The following IRF2 variants were observed in gnomAD, a reference collection of about 807,000 sequenced individuals.
IRF2 encodes the protein interferon regulatory factor 2.
Under a neutral mutation model 40.6 loss-of-function variants are expected in IRF2, and 15 were observed. The ratio of observed to expected loss-of-function variants is 0.37; its 90% CI spans 0.25 to 0.57. The LOEUF (loss-of-function observed/expected upper bound fraction) is 0.57, where lower values mean the gene tolerates loss of function less well. Among genes scored for constraint, IRF2 ranks in the 20% least tolerant of loss-of-function variants. The probability of loss-of-function intolerance (pLI) is 0.77; values close to 1 mark genes in which losing one functional copy is unlikely to be tolerated. For missense variants in IRF2, 317 were observed against 455.7 expected (o/e 0.70, Z 2.77); for synonymous variants, 151 against 165.5 (o/e 0.91, Z 0.67).
In IRF2 at chr4:184,388,481, A is replaced by C. The variant is rs562593345; in HGVS notation, c.*277T>G. On this transcript the variant is annotated 3_prime_UTR_variant, in exon 9 of 9. Coordinates refer to ENST00000393593, the MANE Select transcript of IRF2 (RefSeq NM_002199.4). The surrounding 1 kb of genome is among the most constrained non-coding windows in gnomAD (Gnocchi z 4.6). ...ACCTTGCTGGCCTTGACCGCAGGCA[A>C]TGCAGCACCTCCACTGCCCTTGTTG... 2 of 434,834 alleles carry C rather than the reference A, an allele frequency of 4.6e-6. No individual in the cohort carries two copies. The highest frequency in any genetic ancestry group is 3.0e-5 in the South Asian group (1 of 33,184). 26.9% of individuals were successfully genotyped at this position (434,834 alleles called of 1,614,324 possible).
intron 6 of IRF2, among the ~76,000 whole-genome samples, chr4:184,400,019 C>T (rs192883589): frequency 6.6e-6 from 1 of 152,292 alleles, no homozygotes; most frequent in Non-Finnish European, 1.5e-5. Flanking sequence ...TAACAATCCA[C>T]CCATCTTGTT....
chr4:184,407,914 A>G (rs1736919283), intron 6 of IRF2, among the ~76,000 whole-genome samples: 1 of 152,212 alleles, frequency 6.6e-6, no homozygotes, highest in Non-Finnish European at 1.5e-5. Flanking sequence ...CCGGGAAACA[A>G]ACATTTTTCC....
chr4:184,462,251 G>A (rs938104941), intron 1 of IRF2, among the ~76,000 whole-genome samples: 1 of 152,198 alleles, frequency 6.6e-6, no homozygotes, highest in South Asian at 2.1e-4. Flanking sequence ...TGAGCAGCTG[G>A]GAATTTCGCT....
In IRF2 at chr4:184,422,659, G is replaced by A. The variant is rs76683372; in HGVS notation, c.88-3091C>T. On this transcript the variant is annotated intron_variant, in intron 2 of 8. Coordinates refer to ENST00000393593, the MANE Select transcript of IRF2 (RefSeq NM_002199.4). Reference sequence around the variant, plus strand: ...GGACGAACCTTGAAAACATTATGCTGGATGAAAGAAGCCAGACACAAAAGG... The same window carrying A: ...GGACGAACCTTGAAAACATTATGCTAGATGAAAGAAGCCAGACACAAAAGG... 4.6e-3 allele frequency among the ~76,000 whole-genome samples: 698 copies of A among 152,276 alleles called. 7 individuals are homozygous for A. The highest frequency in any genetic ancestry group is 0.016 in the African/African-American group (665 of 41,540).
At chr4:184,439,348 G>C (rs1738208649) in intron 1 of IRF2, among the ~76,000 whole-genome samples, 1 of 141,080 alleles carries the variant, frequency 7.1e-6, no homozygotes, top group Non-Finnish European at 1.5e-5. Context: ...CGGAGCGGGG[G>C]TACTTAAAAA....
chr4:184,412,139 A>G (rs554013203), intron 5 of IRF2, among the ~76,000 whole-genome samples: 17 of 152,110 alleles, frequency 1.1e-4, no homozygotes, highest in Non-Finnish European at 1.6e-4. Context: ...ACGTGGGTGC[A>G]TGAACTCCGC....
intron 1 of IRF2, among the ~76,000 whole-genome samples, chr4:184,434,647 A>G (rs929181087): frequency 1.3e-5 from 2 of 152,192 alleles, no homozygotes; most frequent in Non-Finnish European, 2.9e-5. Flanking sequence ...CCATAAGTCA[A>G]TTCAGCCCAT....
At chr4:184,455,334 G>T (rs1373370857) in intron 1 of IRF2, among the ~76,000 whole-genome samples, 28 of 87,652 alleles carry the variant, frequency 3.2e-4, no homozygotes, top group African/African-American at 1.2e-3. Context: ...TGTAGAGAAA[G>T]GCGTCTCCCC....
intron 1 of IRF2, among the ~76,000 whole-genome samples, chr4:184,453,737 T>G (rs1467312402): frequency 6.6e-6 from 1 of 152,130 alleles, no homozygotes; most frequent in East Asian, 1.9e-4. Context: ...CCATGCTGGC[T>G]TGAGGAGGAG....
rs61516418 is a variant in IRF2, at chr4:184,424,065, C to G, written c.88-4497G>C. ...TTAATATACCAGATACACACAGATA[C>G]ACACACACACACACACACAAAGATA... On this transcript the variant is annotated intron_variant, in intron 2 of 8. Transcript: ENST00000393593. 1.0e-4 allele frequency among the ~76,000 whole-genome samples: 3 copies of G among 29,944 alleles called. No homozygotes were observed. The East Asian group carries it at 1.8e-3, about 18-fold the overall frequency. The allele number at this position is 29,944 out of a possible 152,430, so 19.6% of individuals were successfully genotyped here.
rs1736928819 is a variant in IRF2, at chr4:184,408,130, T to TA, written c.529+27dup. On this transcript the variant is annotated intron_variant, in intron 6 of 8. Transcript: ENST00000393593. This position sits in a 1 kb window ranked among gnomAD's most constrained non-coding sequence, Gnocchi z 4.9. The stretch of plus-strand genomic sequence containing the variant: ...GGCCCCAGGGGGCTGCTGGTATGTA[T>TA]AAAAAATGAGACGTCAAAACAGTTT... The TA allele has an allele frequency of 3.5e-6, 5 of 1,408,542 alleles. No individual in the cohort carries two copies. The highest frequency in any genetic ancestry group is 2.3e-5 in the South Asian group (2 of 85,526). The allele number at this position is 1,408,542 out of a possible 1,614,324, so 87.3% of individuals were successfully genotyped here.
At chr4:184,425,311 A>G (rs972146870) in intron 2 of IRF2, among the ~76,000 whole-genome samples, 1 of 152,242 alleles carries the variant, frequency 6.6e-6, no homozygotes, top group Admixed American at 6.5e-5. Context: ...GAATGCCAAC[A>G]AGCCTAAGTT....
At chr4:184,390,778 A>C in intron 7 of IRF2, 29 bp from the exon 8 acceptor site, 1 of 1,613,302 alleles carries the variant, frequency 6.2e-7, no homozygotes, top group Non-Finnish European at 8.5e-7. Context: ...ACACAGGGCC[A>C]TCATTCCTGT....
chr4:184,436,126 A>G (rs793809), intron 1 of IRF2, among the ~76,000 whole-genome samples: 151,725 of 152,114 alleles, frequency 1, 75,670 homozygotes, highest in Middle Eastern at 1. Context: ...ACAGGTGCCC[A>G]CCACCATGCC....
rs1293505008 is a variant in IRF2 at position 184,408,584 on chromosome 4, C to G, written c.412-309G>C. Among the ~76,000 whole-genome samples, 1 of 152,198 alleles carries G rather than the reference C, an allele frequency of 6.6e-6. No individual in the cohort carries two copies. Among genetic ancestry groups the G allele is most frequent in the Non-Finnish European group, 1.5e-5 (1 of 68,040 alleles). On this transcript the variant is annotated intron_variant, in intron 5 of 8. Transcript: ENST00000393593. The surrounding 1 kb of genome is among the most constrained non-coding windows in gnomAD (Gnocchi z 4.9). The stretch of plus-strand genomic sequence containing the variant: ...GGGCTACGCAGAGCTGCATCATTGT[C>G]TCTGTAAAATGCTGCACTGCGTGGA...
chr4:184,395,368 G>T (rs191838733), intron 7 of IRF2, among the ~76,000 whole-genome samples: 2,870 of 120,134 alleles, frequency 0.024, 37 homozygotes, highest in Non-Finnish European at 0.032. Context: ...AGCCGAGATC[G>T]CACCACTGCA....
chr4:184,468,761 G>C (rs543464806), intron 1 of IRF2, among the ~76,000 whole-genome samples: 2 of 152,320 alleles, frequency 1.3e-5, no homozygotes, highest in East Asian at 3.9e-4. Context: ...TGGTGAATAA[G>C]AGGCTCGCTA....
chr4:184,419,685 G>T, intron 2 of IRF2, 117 bp from the exon 3 acceptor site: 1 of 681,762 alleles, frequency 1.5e-6, no homozygotes, highest in Non-Finnish European at 2.5e-6. Flanking sequence ...CGCTGAATGT[G>T]TTGACTGCTG....
At chr4:184,432,250 C>T (rs1365567835) in intron 1 of IRF2, among the ~76,000 whole-genome samples, 1 of 152,248 alleles carries the variant, frequency 6.6e-6, no homozygotes, top group African/African-American at 2.4e-5. Context: ...CACTCGGGGA[C>T]ATGTGCTGAA....
Sources: gnomAD v4.1 joint callset for allele counts (sites outside exome capture counted in the v4.1 genomes callset) on GRCh38, gnomAD v4.1.1 for gene constraint, Gnocchi (gnomAD v3.1) non-coding constraint, MANE v1.5 for transcripts, NCBI Gene and HGNC (gene_info 2026-07-23, HGNC 2026-07-21) for gene names.